FBN1: variants seen among roughly 807,000 people sequenced by gnomAD.
FBN1 encodes fibrillin 1, also known as fibrillin-1.
Under a neutral mutation model 365.1 loss-of-function variants are expected in FBN1, and 29 were observed. That is an observed-to-expected ratio of 0.08 (90% confidence interval 0.06 to 0.11). The LOEUF is 0.11. Among genes scored for constraint, FBN1 ranks in the 10% least tolerant of loss-of-function variants. The probability of loss-of-function intolerance (pLI) is 1.00; values close to 1 mark genes in which losing one functional copy is unlikely to be tolerated. For missense variants in FBN1, 2,476 were observed against 3,703.2 expected (o/e 0.67, Z 8.60); for synonymous variants, 1,210 against 1,270.5 (o/e 0.95, Z 1.01).
intron 12 of FBN1, among the ~76,000 whole-genome samples, chr15:48,514,349 CT>C (rs2043784787): frequency 6.6e-6 from 1 of 152,204 alleles, no homozygotes; most frequent in Non-Finnish European, 1.5e-5. Flanking sequence ...TTCCGCAACC[CT>C]GAGTTAGATG....
At chr15:48,475,120 T>C (rs1257369602) in intron 32 of FBN1, among the ~76,000 whole-genome samples, 2 of 151,950 alleles carry the variant, frequency 1.3e-5, no homozygotes, top group Admixed American at 6.6e-5. Context: ...ATATAAAATA[T>C]ATTTTATTCT....
intron 40 of FBN1, among the ~76,000 whole-genome samples, chr15:48,465,260 T>A (rs528310272): frequency 6.6e-6 from 1 of 152,322 alleles, no homozygotes; most frequent in Non-Finnish European, 1.5e-5. Context: ...CCTGTGCCAT[T>A]CATGTAAAAA....
chr15:48,620,718 G>A (rs1364330442), intron 2 of FBN1, among the ~76,000 whole-genome samples: 1 of 152,056 alleles, frequency 6.6e-6, no homozygotes, highest in African/African-American at 2.4e-5. Flanking sequence ...ATTACTGCTG[G>A]CTGTTCAGCA....
At chr15:48,488,737 T>C (rs2043531220) in intron 25 of FBN1, among the ~76,000 whole-genome samples, 1 of 152,236 alleles carries the variant, frequency 6.6e-6, no homozygotes, top group Non-Finnish European at 1.5e-5. Context: ...TTCAGACTTC[T>C]AGGGCCCAGC....
chr15:48,415,484 T>C, intron 64 of FBN1, 52 bp downstream of exon 64: 1 of 1,355,430 alleles, frequency 7.4e-7, no homozygotes, highest in East Asian at 2.3e-5. Flanking sequence ...TATACTTAAT[T>C]ATATTACGAA....
Position 48,537,801 on chromosome 15 carries a change from C to T in FBN1, c.546G>A (p.Arg182=). 6.2e-7 allele frequency: 1 copy of T among 1,614,046 alleles called. No homozygotes were observed. Among genetic ancestry groups the T allele is most frequent in the Non-Finnish European group, 8.5e-7 (1 of 1,179,970 alleles). The stretch of plus-strand genomic sequence containing the variant: ...TGATCACAGTAAAACATGGGCCTGT[C>T]CTGTAATCTGAAAATAAAGAATAAA... The part of the protein sequence containing the change: ...FTGPQCERDY[R]TGPCFTVISN... Residue 182 remains arginine, a synonymous_variant, in exon 7 of 66, where the codon AGG becomes AGA. Transcript: ENST00000316623.
chr15:48,440,900 G>GAAA (rs796766783), intron 50 of FBN1, among the ~76,000 whole-genome samples: 433 of 140,878 alleles, frequency 3.1e-3, no homozygotes, highest in Non-Finnish European at 4.6e-3. Flanking sequence ...AAAAAACCAT[G>GAAA]AAAAAAAAAA....
Position 48,544,166 on chromosome 15 carries a change from A to G in FBN1, c.539-6358T>C, listed in dbSNP as rs867027282. On this transcript the variant is annotated intron_variant, in intron 6 of 65. Coordinates refer to ENST00000316623, the MANE Select transcript of FBN1 (RefSeq NM_000138.5). ...CTTTCAGGCCTACTTTTACTATGCAATGTTGCTTCTCCCATCTTATTTAAG... is the reference window on the plus strand; with the variant it reads ...CTTTCAGGCCTACTTTTACTATGCAGTGTTGCTTCTCCCATCTTATTTAAG... 3.3e-5 allele frequency among the ~76,000 whole-genome samples: 5 copies of G among 152,148 alleles called. No individual in the cohort carries two copies. In the South Asian group the frequency reaches 6.2e-4, roughly 19 times the overall value.
intron 6 of FBN1, among the ~76,000 whole-genome samples, chr15:48,566,645 A>C (rs979209409): frequency 6.6e-6 from 1 of 152,200 alleles, no homozygotes; most frequent in African/African-American, 2.4e-5. Flanking sequence ...ATGCAAATGA[A>C]ACCATAATTC....
intron 19 of FBN1, 22 bp downstream of exon 19, chr15:48,497,244 G>C: frequency 6.2e-7 from 1 of 1,613,968 alleles, no homozygotes; most frequent in Middle Eastern, 1.7e-4. Flanking sequence ...CAATGTTTCA[G>C]AAAATGGGTA....
intron 40 of FBN1, among the ~76,000 whole-genome samples, 158 bp from the exon 41 acceptor site, chr15:48,464,179 G>C (rs935034060): frequency 6.6e-6 from 1 of 152,200 alleles, no homozygotes; most frequent in Admixed American, 6.5e-5. Flanking sequence ...TCCTCTCTCT[G>C]TGTAAATGTG....
intron 6 of FBN1, among the ~76,000 whole-genome samples, chr15:48,545,862 A>G (rs533400612): frequency 2.0e-5 from 3 of 152,200 alleles, no homozygotes; most frequent in African/African-American, 7.2e-5. Flanking sequence ...TCTTTACAAA[A>G]AATACACAAA....
At chr15:48,593,084 G>A (rs2044490835) in intron 6 of FBN1, among the ~76,000 whole-genome samples, 1 of 152,142 alleles carries the variant, frequency 6.6e-6, no homozygotes, top group South Asian at 2.1e-4. Context: ...TTATTACACT[G>A]TTATATGACT....
At chr15:48,641,064 T>C (rs904290469) in intron 2 of FBN1, 3 of 152,208 alleles carry the variant, frequency 2.0e-5, no homozygotes, top group Non-Finnish European at 4.4e-5. Flanking sequence ...AAAACTACTA[T>C]ACATTTATTA....
intron 54 of FBN1, 110 bp downstream of exon 54, chr15:48,434,484 G>C (rs545959788): frequency 7.1e-7 from 1 of 1,403,152 alleles, no homozygotes; most frequent in South Asian, 1.2e-5. Context: ...AGGCCTAGAT[G>C]ATCTTTATTA....
At chr15:48,542,205 C>T (rs751831336) in intron 6 of FBN1, among the ~76,000 whole-genome samples, 3 of 152,146 alleles carry the variant, frequency 2.0e-5, no homozygotes, top group Non-Finnish European at 2.9e-5. Context: ...GACTTCACCC[C>T]GAAGCAAATG....
At position 48,515,654 on chromosome 15, in the gene FBN1, T is replaced by C; in HGVS notation, c.1328-127A>G. 5 of 1,258,280 alleles carry C rather than the reference T, an allele frequency of 4.0e-6. No homozygotes were observed. In the South Asian group the frequency reaches 6.2e-5, roughly 16 times the overall value. The allele number at this position is 1,258,280 out of a possible 1,614,324, so 77.9% of individuals were successfully genotyped here. A position where few individuals can be genotyped will look rare whatever the true frequency, so the allele number is the denominator to read the frequency against. ...GAGGATACTCTTTGGGCAAAGGTCG[T>C]CTGGTGACAACAGAGCATATTTCCA... On this transcript the variant is annotated intron_variant, in intron 11 of 65. Transcript: ENST00000316623.
chr15:48,470,797 T>C lies in FBN1; in HGVS notation c.4337-41A>G. The C allele has an allele frequency of 2.5e-6, 4 of 1,598,862 alleles. No individual in the cohort carries two copies. The South Asian group carries it at 4.5e-5, about 18-fold the overall frequency. ...AAAAAAGCAAAAAACTTAACTTATA[T>C]TTTTCTAAAAAAAACCTGCCAAATA... On this transcript the variant is annotated intron_variant, in intron 35 of 65. Coordinates refer to ENST00000316623, the MANE Select transcript of FBN1 (RefSeq NM_000138.5).
At chr15:48,621,153 G>A (rs1935543441) in intron 2 of FBN1, among the ~76,000 whole-genome samples, 3 of 152,210 alleles carry the variant, frequency 2.0e-5, no homozygotes, top group Non-Finnish European at 2.9e-5. Context: ...CAAATCTCTT[G>A]TGCTTCCGAC....
Sources: gnomAD v4.1 joint callset for allele counts (sites outside exome capture counted in the v4.1 genomes callset) on GRCh38, gnomAD v4.1.1 for gene constraint, MANE v1.5 for transcripts, NCBI Gene and HGNC (gene_info 2026-07-23, HGNC 2026-07-21) for gene names.